The following SCN3A variants were observed in gnomAD, a reference collection of about 807,000 sequenced individuals.
The protein encoded by SCN3A is sodium channel protein type 3 subunit alpha.
In SCN3A, 60 loss-of-function variants were observed where a neutral mutation model predicts 187.6. The ratio of observed to expected loss-of-function variants is 0.32; its 90% CI spans 0.26 to 0.40. The LOEUF is 0.40. SCN3A is among the 10% of genes least tolerant of loss of function. The pLI is 1.00. For synonymous variants in SCN3A, 788 were observed against 829.2 expected, an observed-to-expected ratio of 0.95 and a Z score of 0.85; for missense variants, 1,601 against 2,428.2, an observed-to-expected ratio of 0.66 and a Z score of 7.16.
intron 3 of SCN3A, among the ~76,000 whole-genome samples, chr2:165,174,449 G>A (rs930574861): frequency 1.3e-5 from 2 of 152,142 alleles, no homozygotes; most frequent in African/African-American, 4.8e-5. Context: ...CTGGCCATTG[G>A]GAAGAAAATG....
intron 2 of SCN3A, among the ~76,000 whole-genome samples, chr2:165,178,688 T>G (rs1690632308): frequency 6.6e-6 from 1 of 152,212 alleles, no homozygotes; most frequent in South Asian, 2.1e-4. Flanking sequence ...TCTCTACTAA[T>G]TTTGAACAGA....
intron 1 of SCN3A, among the ~76,000 whole-genome samples, chr2:165,187,671 A>G (rs2105957926): frequency 6.6e-6 from 1 of 152,316 alleles, no homozygotes; most frequent in East Asian, 1.9e-4. Context: ...GTTTCAAAAC[A>G]CATATCCTAC....
intron 11 of SCN3A, among the ~76,000 whole-genome samples, chr2:165,150,770 C>T (rs530498442): frequency 1.3e-5 from 2 of 152,200 alleles, no homozygotes; most frequent in South Asian, 4.1e-4. Flanking sequence ...AACTCATTAT[C>T]TGTGTAGGAT....
intron 14 of SCN3A, among the ~76,000 whole-genome samples, 184 bp from the exon 15 acceptor site, chr2:165,138,301 A>T (rs1687793679): frequency 6.6e-6 from 1 of 152,202 alleles, no homozygotes; most frequent in Non-Finnish European, 1.5e-5. Flanking sequence ...AAAATGTCAT[A>T]TAGATCGACT....
In SCN3A at chr2:165,143,761, T is replaced by G. The variant is rs535257415; in HGVS notation, c.1672-2763A>C. 1.7e-3 allele frequency among the ~76,000 whole-genome samples: 255 copies of G among 152,294 alleles called. 7 individuals carry two copies. Among genetic ancestry groups the G allele is most frequent in the South Asian group, 0.013 (63 of 4,828 alleles). ...TTCCCAGAAGATAAATGTAGACTGT[T>G]TCTTAATTTTCAGTAACAAAAGGGA... is the stretch of plus-strand genomic sequence containing the variant. On this transcript the variant is annotated intron_variant, in intron 12 of 27. Coordinates refer to ENST00000283254, the MANE Select transcript of SCN3A (RefSeq NM_006922.4).
intron 12 of SCN3A, among the ~76,000 whole-genome samples, 200 bp from the exon 13 acceptor site, chr2:165,141,198 C>T (rs1687992602): frequency 6.6e-6 from 1 of 152,094 alleles, no homozygotes; most frequent in Non-Finnish European, 1.5e-5. Flanking sequence ...GAGTGTTTTT[C>T]TGACTAACAA....
chr2:165,154,876 A>T lies in SCN3A; in HGVS notation c.1174-218T>A, dbSNP rs920077208. On this transcript the variant is annotated intron_variant, in intron 10 of 27. Coordinates refer to ENST00000283254, the MANE Select transcript of SCN3A (RefSeq NM_006922.4). ...GTCTTGTTGGATATAAATACATTTT[A>T]AACTCATATATAGTGGATATATATG... Among the ~76,000 whole-genome samples, 3 of 152,206 alleles carry T rather than the reference A, an allele frequency of 2.0e-5. No individual in the cohort carries two copies. The East Asian group carries it at 5.8e-4, about 29-fold the overall frequency.
chr2:165,196,056 G>A (rs1691928683), intron 1 of SCN3A, among the ~76,000 whole-genome samples: 2 of 152,092 alleles, frequency 1.3e-5, no homozygotes, highest in Non-Finnish European at 2.9e-5. Context: ...TGCACTGATT[G>A]TGTTATTTAA....
At chr2:165,135,230 C>T (rs544729990) in intron 15 of SCN3A, among the ~76,000 whole-genome samples, 1 of 151,934 alleles carries the variant, frequency 6.6e-6, no homozygotes, top group African/African-American at 2.4e-5. Context: ...AAAAACAAAA[C>T]AAAACAAAAT....
At chr2:165,191,094 T>A (rs528899013) in intron 1 of SCN3A, among the ~76,000 whole-genome samples, 1 of 150,540 alleles carries the variant, frequency 6.6e-6, no homozygotes, top group South Asian at 2.1e-4. Context: ...TAGAAACATG[T>A]ATACTGGGCA....
chr2:165,149,736 G>C (rs1310009743), intron 11 of SCN3A, among the ~76,000 whole-genome samples: 1 of 152,104 alleles, frequency 6.6e-6, no homozygotes, highest in Non-Finnish European at 1.5e-5. Flanking sequence ...CTGCGTATGA[G>C]AATAACTGTG....
intron 18 of SCN3A, among the ~76,000 whole-genome samples, chr2:165,123,959 A>G (rs975871207): frequency 6.6e-6 from 1 of 152,144 alleles, no homozygotes; most frequent in South Asian, 2.1e-4. Context: ...TCATTCATAT[A>G]AAATTTATTG....
chr2:165,107,258 T>C (rs1466254964), intron 21 of SCN3A, among the ~76,000 whole-genome samples: 9 of 152,194 alleles, frequency 5.9e-5, no homozygotes, highest in Admixed American at 5.2e-4. Flanking sequence ...TAGAAATTTA[T>C]AGCTACATTA....
At position 165,163,725 on chromosome 2, in the gene SCN3A, TCA is replaced by T. The variant is rs1432884795; in HGVS notation, c.603-18_603-17del. The T allele has an allele frequency of 6.2e-7, 1 of 1,613,932 alleles. No individual in the cohort carries two copies. Among genetic ancestry groups the T allele is most frequent in the Non-Finnish European group, 8.5e-7 (1 of 1,179,934 alleles). ...TGTCACATATCTGTAATAGGGGAGT[TCA>T]CACACAAACACAATAACACACAAGA... On this transcript the variant is annotated splice_polypyrimidine_tract_variant and intron_variant, in intron 6 of 27. Coordinates refer to ENST00000283254, the MANE Select transcript of SCN3A (RefSeq NM_006922.4).
In SCN3A at chr2:165,090,759, T is replaced by C. The variant is rs746501220; in HGVS notation, c.5394A>G (p.Glu1798=). The change falls in exon 28 of 28, where the codon GAA becomes GAG. Residue 1798 remains glutamate, a synonymous_variant. Coordinates refer to ENST00000283254, the MANE Select transcript of SCN3A (RefSeq NM_006922.4). This position sits in a 1 kb window ranked among gnomAD's most constrained non-coding sequence, Gnocchi z 4.0. ...ACTGGGTCGCATCGGGATCAAACTTTTCCCAAACCTCATAGAACATCTCAA... is the reference window on the plus strand; with the variant it reads ...ACTGGGTCGCATCGGGATCAAACTTCTCCCAAACCTCATAGAACATCTCAA... ...DDFEMFYEVW[E]KFDPDATQFI... 3.0e-5 allele frequency: 48 copies of C among 1,613,926 alleles called. No individual in the cohort carries two copies. Among genetic ancestry groups the C allele is most frequent in the Non-Finnish European group, 3.9e-5 (46 of 1,179,994 alleles).
At chr2:165,162,184 G>T in intron 9 of SCN3A, 124 bp downstream of exon 9, 1 of 855,560 alleles carries the variant, frequency 1.2e-6, no homozygotes, top group Non-Finnish European at 1.9e-6. Context: ...CTTCCTAGGG[G>T]AGCAGCACTG....
chr2:165,155,424 G>A (rs1025297409), intron 10 of SCN3A, among the ~76,000 whole-genome samples: 3 of 151,380 alleles, frequency 2.0e-5, no homozygotes, highest in Non-Finnish European at 1.5e-5. Context: ...TTTTGAGATG[G>A]GGTCTTACTC....
chr2:165,139,770 T>TTA, intron 13 of SCN3A, 162 bp from the exon 14 acceptor site: 3 of 795,184 alleles, frequency 3.8e-6, no homozygotes, highest in South Asian at 1.8e-5. Flanking sequence ...GTTTTTTTTT[T>TTA]AAAAAAAAGT....
At chr2:165,142,546 G>T (rs1452081749) in intron 12 of SCN3A, among the ~76,000 whole-genome samples, 1 of 152,142 alleles carries the variant, frequency 6.6e-6, no homozygotes, top group East Asian at 1.9e-4. Flanking sequence ...CTCAATTCCT[G>T]TAGCAGGTTT....
Sources: allele counts gnomAD v4.1 joint callset (sites outside exome capture counted in the v4.1 genomes callset), GRCh38; gene constraint gnomAD v4.1.1; non-coding constraint Gnocchi (gnomAD v3.1); transcripts MANE v1.5; gene names NCBI Gene and HGNC (gene_info 2026-07-23, HGNC 2026-07-21).